DOCK3: variants seen among roughly 807,000 people sequenced by gnomAD.
The protein encoded by DOCK3 is dedicator of cytokinesis 3, also known as dedicator of cytokinesis protein 3.
DOCK3 carries 60 observed loss-of-function variants against 265.6 expected under a neutral mutation model. The ratio of observed to expected loss-of-function variants is 0.23; its 90% CI spans 0.18 to 0.28. DOCK3 has a LOEUF of 0.28. Ranked by LOEUF, DOCK3 falls within the 10% of genes least tolerant of loss-of-function variation. DOCK3 has a pLI of 1.00. For missense variants in DOCK3, 1,981 were observed against 2,594.3 expected, an observed-to-expected ratio of 0.76 and a Z score of 5.14; for synonymous variants, 881 against 938.0, an observed-to-expected ratio of 0.94 and a Z score of 1.11.
chr3:50,987,738 A>T (rs1371804041), intron 5 of DOCK3, among the ~76,000 whole-genome samples: 1 of 152,190 alleles, frequency 6.6e-6, no homozygotes, highest in Non-Finnish European at 1.5e-5. Context: ...AGCAACATGT[A>T]ACCAGGGGAA....
chr3:50,877,426 A>G (rs2047759771), intron 3 of DOCK3: 1 of 519,854 alleles, frequency 1.9e-6, no homozygotes, highest in South Asian at 1.4e-5. Context: ...TGGCCCAGAA[A>G]TCTGTGTGCT....
intron 27 of DOCK3, 127 bp from the exon 28 acceptor site, chr3:51,310,105 C>G (rs906867132): frequency 5.9e-5 from 43 of 733,016 alleles, no homozygotes; most frequent in Admixed American, 2.5e-4. Flanking sequence ...AAACAACTCA[C>G]AGAGAGAACC....
At chr3:50,760,723 T>C (rs1456848183) in intron 1 of DOCK3, among the ~76,000 whole-genome samples, 1 of 152,198 alleles carries the variant, frequency 6.6e-6, no homozygotes. Flanking sequence ...TCTGTACAGA[T>C]TGTGTATCCT....
At chr3:51,301,619 A>T (rs1427640079) in intron 27 of DOCK3, among the ~76,000 whole-genome samples, 2 of 152,020 alleles carry the variant, frequency 1.3e-5, no homozygotes, top group Non-Finnish European at 2.9e-5. Context: ...CTTTGTTCCC[A>T]TTGGTTTCAA....
At chr3:51,261,920 G>T (rs567833777) in intron 23 of DOCK3, among the ~76,000 whole-genome samples, 41 of 152,294 alleles carry the variant, frequency 2.7e-4, no homozygotes, top group African/African-American at 9.4e-4. Flanking sequence ...CCAGTCAGGG[G>T]CTTCTAGATC....
intron 27 of DOCK3, among the ~76,000 whole-genome samples, chr3:51,303,689 C>T (rs548824910): frequency 2.0e-5 from 3 of 151,356 alleles, no homozygotes; most frequent in South Asian, 2.1e-4. Flanking sequence ...TCTGGTTTGC[C>T]GAGGGTTCAC....
intron 12 of DOCK3, among the ~76,000 whole-genome samples, chr3:51,189,805 G>A (rs2087835253): frequency 6.6e-6 from 1 of 152,146 alleles, no homozygotes; most frequent in East Asian, 1.9e-4. Context: ...TGAAATGGTA[G>A]ATCTACTTTT....
intron 5 of DOCK3, among the ~76,000 whole-genome samples, chr3:50,979,873 T>C (rs9838433): frequency 0.75 from 114,447 of 152,074 alleles, 44,258 homozygotes; most frequent in Middle Eastern, 0.88. Context: ...TAGCTTTTTC[T>C]ATATATGTAA....
chr3:51,338,903 A>G (rs1369166223), intron 36 of DOCK3, 32 bp from the exon 37 acceptor site: 1 of 1,544,926 alleles, frequency 6.5e-7, no homozygotes, highest in African/African-American at 1.4e-5. Context: ...TTCCACAGGT[A>G]GTTGACAGGT....
intron 9 of DOCK3, among the ~76,000 whole-genome samples, chr3:51,092,547 G>A (rs2082677866): frequency 6.6e-6 from 1 of 152,248 alleles, no homozygotes; most frequent in South Asian, 2.1e-4. Flanking sequence ...ATCTCCCTGG[G>A]ACAGAGCACC....
intron 19 of DOCK3, among the ~76,000 whole-genome samples, chr3:51,231,121 CTTTTTTTTTTTTT>C (rs754271357): frequency 2.6e-5 from 2 of 77,738 alleles, no homozygotes; most frequent in Admixed American, 4.1e-4. Flanking sequence ...TATTTTTTGA[CTTTTTTTTTTTTT>C]TTTTTTTTTT....
intron 2 of DOCK3, among the ~76,000 whole-genome samples, chr3:50,811,079 C>G (rs2043725981): frequency 6.6e-6 from 1 of 152,260 alleles, no homozygotes; most frequent in Non-Finnish European, 1.5e-5. Flanking sequence ...TAAAAGATCT[C>G]TTACAAACCA....
At chr3:51,248,664 A>T (rs1391960461) in intron 22 of DOCK3, among the ~76,000 whole-genome samples, 1 of 148,030 alleles carries the variant, frequency 6.8e-6, no homozygotes, top group African/African-American at 2.5e-5. Flanking sequence ...ATCGTCTGGG[A>T]TGTGAGGAGC....
intron 7 of DOCK3, among the ~76,000 whole-genome samples, chr3:51,078,742 TCAAAA>T (rs1388696234): frequency 6.6e-6 from 1 of 152,142 alleles, no homozygotes. Context: ...ACTCAGAGTC[TCAAAA>T]CAACAATAAT....
At chr3:51,258,885 C>T (rs2079695501) in intron 22 of DOCK3, among the ~76,000 whole-genome samples, 1 of 152,126 alleles carries the variant, frequency 6.6e-6, no homozygotes, top group South Asian at 2.1e-4. Flanking sequence ...TAGAAAATAC[C>T]TCCTACTTCA....
chr3:51,346,600 C>A (rs547394082), intron 38 of DOCK3, among the ~76,000 whole-genome samples: 1 of 152,140 alleles, frequency 6.6e-6, no homozygotes, highest in African/African-American at 2.4e-5. Context: ...AATAAACATA[C>A]GTGTGCATGT....
At chr3:50,711,634 T>G (rs1429884920) in intron 1 of DOCK3, among the ~76,000 whole-genome samples, 2 of 152,172 alleles carry the variant, frequency 1.3e-5, no homozygotes, top group African/African-American at 2.4e-5. Context: ...AATATTACTT[T>G]GTAGTTTTTG....
chr3:50,805,539 C>T (rs142224959), intron 2 of DOCK3, among the ~76,000 whole-genome samples: 49 of 152,216 alleles, frequency 3.2e-4, no homozygotes, highest in African/African-American at 1.1e-3. Context: ...GCAGGCACAC[C>T]GCTGCTTAGC....
chr3:50,718,610 G>A lies in DOCK3; in HGVS notation c.37+43310G>A, dbSNP rs564039739. 2.6e-5 allele frequency among the ~76,000 whole-genome samples: 4 copies of A among 152,140 alleles called. No individual in the cohort carries two copies. The South Asian group carries it at 8.3e-4, about 32-fold the overall frequency. Reference sequence around the variant, plus strand: ...TAAAGTATTTTTCATCCTCCCACAAGAAAACCTTTCTGAATTATATCTCTG... The same window carrying A: ...TAAAGTATTTTTCATCCTCCCACAAAAAAACCTTTCTGAATTATATCTCTG... On this transcript the variant is annotated intron_variant, in intron 1 of 52. Coordinates refer to ENST00000266037, the MANE Select transcript of DOCK3 (RefSeq NM_004947.5).
Sources: gnomAD v4.1 joint callset for allele counts (sites outside exome capture counted in the v4.1 genomes callset) on GRCh38, gnomAD v4.1.1 for gene constraint, MANE v1.5 for transcripts, NCBI Gene and HGNC (gene_info 2026-07-23, HGNC 2026-07-21) for gene names.